The following C22orf31 variants were observed in gnomAD, a reference collection of about 807,000 sequenced individuals.
C22orf31 encodes the protein uncharacterized protein C22orf31.
In C22orf31, 11 loss-of-function variants were observed where a neutral mutation model predicts 15.0. The ratio of observed to expected loss-of-function variants is 0.73; its 90% CI spans 0.46 to 1.21. C22orf31 has a LOEUF of 1.21. Ranked by LOEUF, C22orf31 falls within the 50% of genes most tolerant of loss-of-function variation. The probability of loss-of-function intolerance (pLI) is 0.00; values close to 1 mark genes in which losing one functional copy is unlikely to be tolerated. For missense variants in C22orf31, 340 were observed against 347.2 expected (o/e 0.98, Z 0.17); for synonymous variants, 132 against 133.3 (o/e 0.99, Z 0.07).
chr22:29,059,465 G>A (rs1054137036), intron 2 of C22orf31, among the ~76,000 whole-genome samples: 15 of 152,146 alleles, frequency 9.9e-5, no homozygotes, highest in African/African-American at 2.9e-4. Flanking sequence ...TGAATGCCAC[G>A]CAAGATCCTA....
chr22:29,060,926 A>G lies in C22orf31; in HGVS notation c.4-83T>C, dbSNP rs373034373. The G allele has an allele frequency of 6.2e-5, 71 of 1,149,762 alleles. 1 individual carries two copies. In the East Asian group the frequency reaches 1.1e-3, roughly 17 times the overall value. The allele number at this position is 1,149,762 out of a possible 1,614,324, so 71.2% of individuals were successfully genotyped here. On this transcript the variant is annotated intron_variant, in intron 1 of 2. Transcript: ENST00000216071. ...AAAAGGTCTACTTTGAAGGCAAAATATTAACATCTTTTTATAGGCCATTCC... is the reference window on the plus strand; with the variant it reads ...AAAAGGTCTACTTTGAAGGCAAAATGTTAACATCTTTTTATAGGCCATTCC...
At chr22:29,070,652 A>G in the C22orf31 span, among the ~76,000 whole-genome samples, 327 of 152,292 alleles carry the variant, frequency 2.1e-3, 10 homozygotes, top group East Asian at 0.052. Flanking sequence ...CCAGCTATCC[A>G]GGAGGCTGAA....
chr22:29,061,639 C>G, intron 1 of C22orf31, 151 bp downstream of exon 1: 1 of 581,808 alleles, frequency 1.7e-6, no homozygotes, highest in Non-Finnish European at 3.1e-6. Context: ...CTCTGGGGAC[C>G]ATAAAAGCAA....
chr22:29,070,304 G>T, the C22orf31 span, among the ~76,000 whole-genome samples: 2 of 152,202 alleles, frequency 1.3e-5, no homozygotes, highest in Non-Finnish European at 2.9e-5. Flanking sequence ...TTCTCACTGT[G>T]TCATGCCAAT....
chr22:29,065,599 G>A (rs1479221390), upstream of C22orf31, among the ~76,000 whole-genome samples: 1 of 152,172 alleles, frequency 6.6e-6, no homozygotes, highest in Admixed American at 6.5e-5. Flanking sequence ...CCCTGGTTAC[G>A]GGAGTTGTTC....
intron 1 of C22orf31, among the ~76,000 whole-genome samples, chr22:29,061,157 C>A (rs134556): frequency 0.1 from 15,933 of 152,136 alleles, 1,168 homozygotes; most frequent in Non-Finnish European, 0.14. Context: ...AAGATACGGA[C>A]GGCAGGGTCA....
At chr22:29,067,696 G>A in the C22orf31 span, among the ~76,000 whole-genome samples, 4 of 152,058 alleles carry the variant, frequency 2.6e-5, no homozygotes, top group Admixed American at 6.6e-5. Context: ...TGCCAGCATC[G>A]GACTCCCAAG....
intron 2 of C22orf31, 77 bp downstream of exon 2, chr22:29,060,338 A>G: frequency 7.5e-7 from 1 of 1,335,572 alleles, no homozygotes; most frequent in South Asian, 1.4e-5. Context: ...TATAATCTCA[A>G]CCGTTAAGTG....
At chr22:29,068,875 C>A in the C22orf31 span, among the ~76,000 whole-genome samples, 1 of 151,612 alleles carries the variant, frequency 6.6e-6, no homozygotes, top group Non-Finnish European at 1.5e-5. Context: ...AGCCATTCTC[C>A]TGCCTCAGTC....
upstream of C22orf31, among the ~76,000 whole-genome samples, chr22:29,062,363 A>C (rs113845752): frequency 0.019 from 2,939 of 152,220 alleles, 56 homozygotes; most frequent in African/African-American, 0.043. Context: ...GTTCCTGCAG[A>C]CCTGGGCACC....
chr22:29,073,253 C>T, the C22orf31 span: 1 of 1,059,982 alleles, frequency 9.4e-7, no homozygotes, highest in Non-Finnish European at 1.2e-6. The surrounding 1 kb of genome is among the most constrained non-coding windows in gnomAD (Gnocchi z 4.4). Context: ...CCCCCGCCGC[C>T]CGCCCTGAGC....
At chr22:29,065,210 T>G (rs548503436), upstream of C22orf31, among the ~76,000 whole-genome samples, 1 of 152,322 alleles carries the variant, frequency 6.6e-6, no homozygotes, top group Non-Finnish European at 1.5e-5. Context: ...CTTGAGCTCC[T>G]GTTGCTCATG....
At chr22:29,068,692 A>G in the C22orf31 span, among the ~76,000 whole-genome samples, 29 of 148,756 alleles carry the variant, frequency 1.9e-4, no homozygotes, top group South Asian at 4.3e-3. Flanking sequence ...TTACAGGCGT[A>G]AGCCACCGTG....
chr22:29,073,196 C>T, the C22orf31 span: 77 of 1,192,214 alleles, frequency 6.5e-5, no homozygotes, highest in Non-Finnish European at 7.7e-5. The surrounding 1 kb of genome is among the most constrained non-coding windows in gnomAD (Gnocchi z 4.4). Context: ...CGGCCCGGCC[C>T]GCGCCTAGCC....
the C22orf31 span, among the ~76,000 whole-genome samples, chr22:29,071,501 C>T: frequency 6.6e-6 from 1 of 152,162 alleles, no homozygotes; most frequent in Non-Finnish European, 1.5e-5. Context: ...CGTGCCGGTC[C>T]CGCCCAGCCG....
At position 29,059,955 on chromosome 22, in the gene C22orf31, C is replaced by T; in HGVS notation, c.432+460G>A. The T allele has an allele frequency of 6.1e-6, 6 of 984,884 alleles. No homozygotes were observed. The South Asian group carries it at 2.8e-4, about 46-fold the overall frequency. 61.0% of individuals were successfully genotyped at this position (984,884 alleles called of 1,614,324 possible). ...ATTCTTCCACTCTGTCATGCTACAC[C>T]TCCTCCCCACATTCTGTCTTCAACT... On this transcript the variant is annotated intron_variant, in intron 2 of 2. Transcript: ENST00000216071.
intron 2 of C22orf31, chr22:29,059,549 G>T: frequency 3.4e-6 from 1 of 291,298 alleles, no homozygotes; most frequent in Non-Finnish European, 5.1e-6. Flanking sequence ...AGCCCTATGA[G>T]GGAAGGGCCG....
chr22:29,066,054 C>CT (rs139442909), upstream of C22orf31, among the ~76,000 whole-genome samples: 740 of 148,610 alleles, frequency 5.0e-3, 4 homozygotes, highest in African/African-American at 0.016. Context: ...TTCCTTCTTC[C>CT]TTTTTTTTTT....
upstream of C22orf31, among the ~76,000 whole-genome samples, chr22:29,064,040 G>T (rs762486558): frequency 6.6e-6 from 1 of 152,090 alleles, no homozygotes; most frequent in Non-Finnish European, 1.5e-5. Context: ...GCTAATTTTT[G>T]TATTTTTAGT....
Sources: gnomAD v4.1 joint callset for allele counts (sites outside exome capture counted in the v4.1 genomes callset) on GRCh38, gnomAD v4.1.1 for gene constraint, Gnocchi (gnomAD v3.1) non-coding constraint, MANE v1.5 for transcripts, NCBI Gene and HGNC (gene_info 2026-07-23, HGNC 2026-07-21) for gene names.